EFEMP2: variants seen among roughly 807,000 people sequenced by gnomAD.
EFEMP2 encodes the protein EGF-like fibulin extracellular matrix protein 2, also known as EGF-containing fibulin-like extracellular matrix protein 2.
Under a neutral mutation model 55.3 loss-of-function variants are expected in EFEMP2, and 21 were observed. That is an observed-to-expected ratio of 0.38 (90% CI 0.27 to 0.55). EFEMP2 has a LOEUF of 0.55. EFEMP2 is among the 20% of genes least tolerant of loss of function. EFEMP2 has a pLI of 0.77. For synonymous variants in EFEMP2, 275 were observed against 242.3 expected (o/e 1.14, Z -1.25); for missense variants, 513 against 615.1 (o/e 0.83, Z 1.76).
chr11:65,870,084 G>GCCCAGGA, intron 6 of EFEMP2, 37 bp downstream of exon 6: 1 of 1,612,978 alleles, frequency 6.2e-7, no homozygotes. Context: ...ACACCTCCCT[G>GCCCAGGA]CCCAGGACCC....
chr11:65,868,205 G>T (rs1441341097), intron 9 of EFEMP2, 90 bp downstream of exon 9: 2 of 1,589,054 alleles, frequency 1.3e-6, no homozygotes, highest in East Asian at 4.5e-5. Context: ...ATCCCTCAGG[G>T]GCACTCGCTG....
At position 65,868,433 on chromosome 11, in the gene EFEMP2, G is replaced by T; in HGVS notation, c.848-12C>A. 6.2e-7 allele frequency: 1 copy of T among 1,613,962 alleles called. No homozygotes were observed. Among genetic ancestry groups the T allele is most frequent in the Non-Finnish European group, 8.5e-7 (1 of 1,180,038 alleles). On this transcript the variant is annotated splice_polypyrimidine_tract_variant and intron_variant, in intron 8 of 10. Transcript: ENST00000307998. ...ACACTCATCAATGTCTGTGCCAGGG[G>T]AGAGGGGCTGGAATCGGGGGCGTCA... is the stretch of plus-strand genomic sequence containing the variant.
In EFEMP2 at chr11:65,869,802, A is replaced by G. The variant is rs501630; in HGVS notation, c.727+55T>C. 845,464 of 1,609,708 alleles carry G rather than the reference A, an allele frequency of 0.53. 228,241 individuals are homozygous for G. The highest frequency in any genetic ancestry group is 0.65 in the Middle Eastern group (3,717 of 5,720). ...AGAACTGTGTGGCAGGAGGCACGGC[A>G]TAGCTAGGGCCTGGGGGTCCACAGA... is the stretch of plus-strand genomic sequence containing the variant. On this transcript the variant is annotated intron_variant, in intron 7 of 10. Coordinates refer to ENST00000307998, the MANE Select transcript of EFEMP2 (RefSeq NM_016938.5).
chr11:65,867,027 G>A lies in EFEMP2; in HGVS notation c.1223C>T (p.Pro408Leu), dbSNP rs761729008. The stretch of plus-strand genomic sequence containing the variant: ...CTCCAGGTCCAGCACGTACTCCCGG[G>A]GGCCCGTCACCGGCCGGGCGAGGAC... ...MLVLARPVTGPREYVLDLEMV... is the reference protein window; with the variant it reads ...MLVLARPVTGLREYVLDLEMV... Residue 408 changes from proline (P) to leucine (L), a missense_variant, in exon 11 of 11, where the codon CCC becomes CTC. By Grantham distance (98) the Pro-to-Leu change is moderately conservative (BLOSUM62 -3). Transcript: ENST00000307998. 1 of 1,614,132 alleles carries A rather than the reference G, an allele frequency of 6.2e-7. No homozygotes were observed. Among genetic ancestry groups the A allele is most frequent in the Non-Finnish European group, 8.5e-7 (1 of 1,180,024 alleles).
In EFEMP2 at chr11:65,872,255, C is replaced by G. The variant is rs1038731060; in HGVS notation, c.100G>C (p.Asp34His). The G allele has an allele frequency of 6.4e-7, 1 of 1,551,458 alleles. No homozygotes were observed. Among genetic ancestry groups the G allele is most frequent in the Admixed American group, 2.0e-5 (1 of 51,010 alleles). The change falls in exon 2 of 11, where the codon GAC (aspartate) becomes CAC (histidine). Residue 34 changes from aspartate to histidine, a missense_variant. By Grantham distance (81) the Asp-to-His change is moderately conservative. Transcript: ENST00000307998. The stretch of plus-strand genomic sequence containing the variant: ...CTCACTGTCCCCACCGTGTAGCTGT[C>G]GGGCTCTTCAGAATCCTGAGGAGAA... ...SASPQDSEEP[D>H]SYTECTDGYE...
chr11:65,867,274 TCTC>T (rs1165048937), intron 10 of EFEMP2, 195 bp from the exon 11 acceptor site: 9 of 642,254 alleles, frequency 1.4e-5, no homozygotes, highest in South Asian at 5.6e-5. Flanking sequence ...CCCTCAGAAA[TCTC>T]CTGCTGGGGC....
At chr11:65,868,163 A>T in intron 9 of EFEMP2, 107 bp from the exon 10 acceptor site, 1 of 1,559,510 alleles carries the variant, frequency 6.4e-7, no homozygotes, top group Non-Finnish European at 8.7e-7. Flanking sequence ...TACCCCTGTG[A>T]CTGGTTTTCA....
Position 65,868,396 on chromosome 11 carries a change from C to A in EFEMP2, c.873G>T (p.Ala291=). ...AGGTTTGGGCCTCGGAGCACTGGTG[C>A]GCACCAGACTCACACTCATCAATGT... ...CQDIDECESG[A]HQCSEAQTCV... is the part of the protein sequence containing the mutation. The change falls in exon 9 of 11, where the codon GCG becomes GCT. Residue 291 remains alanine (A), a synonymous_variant. Coordinates refer to ENST00000307998, the MANE Select transcript of EFEMP2 (RefSeq NM_016938.5). The A allele has an allele frequency of 6.2e-7, 1 of 1,613,856 alleles. No individual in the cohort carries two copies. Among genetic ancestry groups the A allele is most frequent in the Non-Finnish European group, 8.5e-7 (1 of 1,180,022 alleles).
chr11:65,868,250 T>C (rs757048147), intron 9 of EFEMP2, 45 bp downstream of exon 9: 16 of 1,612,046 alleles, frequency 9.9e-6, no homozygotes, highest in Admixed American at 3.3e-5. Context: ...CAAAGCCCCC[T>C]GGGAGACGTA....
At position 65,870,596 on chromosome 11, in the gene EFEMP2, G is replaced by A. The variant is rs745886387; in HGVS notation, c.430C>T (p.Pro144Ser). Residue 144 changes from proline (P) to serine (S), a missense_variant, in exon 5 of 11, where the codon CCT (proline) becomes TCT (serine). Physicochemically the swap from Pro to Ser is moderately conservative, Grantham distance 74. Transcript: ENST00000307998. Reference sequence around the variant, plus strand: ...GGGCAGGTGCACTGATAGGAGCCAGGCAAGTTATGGCAGTCCTGGCTGGGG... The same window carrying A: ...GGGCAGGTGCACTGATAGGAGCCAGACAAGTTATGGCAGTCCTGGCTGGGG... ...CRPSQDCHNL[P>S]GSYQCTCPDG... 3.1e-6 allele frequency: 5 copies of A among 1,614,154 alleles called. No individual in the cohort carries two copies. The highest frequency in any genetic ancestry group is 1.3e-5 in the African/African-American group (1 of 75,036).
In EFEMP2 at chr11:65,866,942, G is replaced by A. The variant is rs572780561; in HGVS notation, c.1308C>T (p.Val436=). The part of the protein sequence containing the change: ...YRASSVLRLT[V]FVGAYTF ...CTCAGAAGGTGTAGGCCCCTACAAA[G>A]ACGGTGAGCCTCAGTACAGAGCTGG... is the stretch of plus-strand genomic sequence containing the variant. The change falls in exon 11 of 11, where the codon GTC becomes GTT. Residue 436 remains valine (V), a synonymous_variant. Coordinates refer to ENST00000307998, the MANE Select transcript of EFEMP2 (RefSeq NM_016938.5). 4 of 1,614,200 alleles carry A rather than the reference G, an allele frequency of 2.5e-6. No homozygotes were observed. Among genetic ancestry groups the A allele is most frequent in the South Asian group, 1.1e-5 (1 of 91,086 alleles).
intron 7 of EFEMP2, 28 bp downstream of exon 7, chr11:65,869,829 G>C (rs1378584114): frequency 6.2e-7 from 1 of 1,613,236 alleles, no homozygotes; most frequent in Non-Finnish European, 8.5e-7. Flanking sequence ...GTCCACAGAG[G>C]AGTACACAGC....
intron 9 of EFEMP2, 40 bp from the exon 10 acceptor site, chr11:65,868,096 C>T (rs1859893254): frequency 6.2e-7 from 1 of 1,602,300 alleles, no homozygotes; most frequent in Non-Finnish European, 8.5e-7. Context: ...GAGCTCCTTG[C>T]CCGTCCCCCC....
chr11:65,868,194 C>A, intron 9 of EFEMP2, 101 bp downstream of exon 9: 1 of 1,578,732 alleles, frequency 6.3e-7, no homozygotes, highest in Non-Finnish European at 8.6e-7. Context: ...TGATTCCCAT[C>A]ATCCCTCAGG....
intron 1 of EFEMP2, 84 bp downstream of exon 1, chr11:65,872,599 G>T (rs1413741494): frequency 6.3e-6 from 2 of 315,508 alleles, no homozygotes; most frequent in Non-Finnish European, 1.2e-5. Context: ...CGAGGAGCGC[G>T]GGCCTCTGTG....
intron 5 of EFEMP2, 132 bp from the exon 6 acceptor site, chr11:65,870,369 A>G: frequency 1.4e-6 from 2 of 1,410,566 alleles, no homozygotes; most frequent in South Asian, 2.3e-5. Context: ...AGGGTCAGCC[A>G]GGACACCTCC....
intron 4 of EFEMP2, 23 bp downstream of exon 4, chr11:65,871,134 G>C: frequency 1.9e-6 from 3 of 1,613,316 alleles, no homozygotes; most frequent in Non-Finnish European, 1.7e-6. Context: ...TGGAAGCCAG[G>C]CACCAGAGCA....
At chr11:65,869,682 C>A in intron 7 of EFEMP2, 175 bp downstream of exon 7, 1 of 924,500 alleles carries the variant, frequency 1.1e-6, no homozygotes, top group African/African-American at 1.6e-5. Flanking sequence ...CCTTGTGCCT[C>A]CCCCACTAGC....
Position 65,867,949 on chromosome 11 carries a change from A to G in EFEMP2, c.1082T>C (p.Phe361Ser). The G allele has an allele frequency of 6.2e-7, 1 of 1,614,126 alleles. No individual in the cohort carries two copies. ...TSERSVPADV[F>S]QIQATSVYPG... ...GTAGACGGAGGTCGCCTGGATCTGG[A>G]ACACGTCAGCGGGCACGCTCCGCTC... Residue 361 changes from phenylalanine to serine, a missense_variant, in exon 10 of 11, where the codon TTC becomes TCC. Phe to Ser is a radical substitution (Grantham distance 155). Transcript: ENST00000307998.
Sources: allele counts gnomAD v4.1 joint callset, GRCh38; gene constraint gnomAD v4.1.1; transcripts MANE v1.5; gene names NCBI Gene and HGNC (gene_info 2026-07-23, HGNC 2026-07-21).